Variants in LRIG3 observed in about 807,000 individuals in gnomAD.
The protein encoded by LRIG3 is leucine-rich repeats and immunoglobulin-like domains protein 3.
In LRIG3, 76 loss-of-function variants were observed where a neutral mutation model predicts 114.5. The ratio of observed to expected loss-of-function variants is 0.66; its 90% CI spans 0.55 to 0.80. The LOEUF (loss-of-function observed/expected upper bound fraction) is 0.80. Among genes scored for constraint, LRIG3 ranks in the 30% least tolerant of loss-of-function variants. The pLI is 0.00. For synonymous variants in LRIG3, 512 were observed against 519.8 expected, an observed-to-expected ratio of 0.98 and a Z score of 0.20; for missense variants, 1,239 against 1,382.8, an observed-to-expected ratio of 0.90 and a Z score of 1.65.
At chr12:58,879,218 A>C in intron 13 of LRIG3, 113 bp from the exon 14 acceptor site, 4 of 1,246,530 alleles carry the variant, frequency 3.2e-6, no homozygotes, top group South Asian at 1.6e-5. Flanking sequence ...TCCCTGACAT[A>C]GATTGGGCAG....
Position 58,883,594 on chromosome 12 carries a change from GA to G in LRIG3, c.1245-4del. On this transcript the variant is annotated splice_region_variant and splice_polypyrimidine_tract_variant and intron_variant, in intron 10 of 18. Coordinates refer to ENST00000320743, the MANE Select transcript of LRIG3 (RefSeq NM_153377.5). ...TGATTGCGTTGTCACTCAGGTCTCT[GA>G]AAAATCACCAAATCAAATGCATCAG... 2 of 1,538,502 alleles carry G rather than the reference GA, an allele frequency of 1.3e-6. No individual in the cohort carries two copies. Among genetic ancestry groups the G allele is most frequent in the Non-Finnish European group, 1.8e-6 (2 of 1,127,494 alleles).
chr12:58,874,690 C>CA (rs1246502422), intron 16 of LRIG3, 117 bp from the exon 17 acceptor site: 4 of 1,389,778 alleles, frequency 2.9e-6, no homozygotes, highest in Non-Finnish European at 3.9e-6. Context: ...ATCATATAGA[C>CA]AAAAAAATTG....
intron 3 of LRIG3, among the ~76,000 whole-genome samples, chr12:58,909,771 AAT>A: frequency 6.6e-6 from 1 of 152,368 alleles, no homozygotes; most frequent in South Asian, 2.1e-4. Flanking sequence ...GCCAAAAGTT[AAT>A]TCCAGGCCAC....
At chr12:58,879,331 CAG>C (rs1173102514) in intron 13 of LRIG3, among the ~76,000 whole-genome samples, 1 of 152,208 alleles carries the variant, frequency 6.6e-6, no homozygotes, top group Non-Finnish European at 1.5e-5. Flanking sequence ...CAGGATAAAA[CAG>C]AGGTCATCTG....
At chr12:58,879,850 G>C (rs1871059303) in intron 13 of LRIG3, among the ~76,000 whole-genome samples, 1 of 152,188 alleles carries the variant, frequency 6.6e-6, no homozygotes, top group Admixed American at 6.5e-5. Flanking sequence ...TGAAAGATGT[G>C]GAACTGGAGG....
At position 58,920,180 on chromosome 12, in the gene LRIG3, G is replaced by C; in HGVS notation, c.56C>G (p.Ala19Gly). The change falls in exon 1 of 19, where the codon GCG (alanine) becomes GGG (glycine). Residue 19 changes from alanine to glycine, a missense_variant. Coordinates refer to ENST00000320743, the MANE Select transcript of LRIG3 (RefSeq NM_153377.5). The part of the protein sequence containing the change: ...RAAGLGLLLC[A>G]VLGRAGRSDS... ...TGACCGGCCAGCGCGCCCCAGCACC[G>C]CGCACAGCAGCAGCCCCAACCCCGC... 1 of 1,525,262 alleles carries C rather than the reference G, an allele frequency of 6.6e-7. No homozygotes were observed. The highest frequency in any genetic ancestry group is 8.8e-7 in the Non-Finnish European group (1 of 1,140,266). The allele number at this position is 1,525,262 out of a possible 1,614,324, so 94.5% of individuals were successfully genotyped here.
intron 18 of LRIG3, 100 bp downstream of exon 18, chr12:58,873,955 A>AT: frequency 1.4e-6 from 2 of 1,414,422 alleles, no homozygotes; most frequent in African/African-American, 1.4e-5. Flanking sequence ...TCAAGAAACC[A>AT]TTTTTTACCA....
intron 3 of LRIG3, among the ~76,000 whole-genome samples, chr12:58,896,544 T>A (rs1226930180): frequency 6.6e-6 from 1 of 152,222 alleles, no homozygotes; most frequent in Non-Finnish European, 1.5e-5. Flanking sequence ...AGTACACGGA[T>A]AACAGGCAGC....
intron 6 of LRIG3, 89 bp downstream of exon 6, chr12:58,888,730 C>T: frequency 6.7e-7 from 1 of 1,491,604 alleles, no homozygotes; most frequent in Non-Finnish European, 9.0e-7. Context: ...GAGATTTTAA[C>T]ATAGGATTTC....
intron 3 of LRIG3, among the ~76,000 whole-genome samples, chr12:58,903,816 A>G (rs1235314220): frequency 4.6e-5 from 7 of 152,022 alleles, no homozygotes; most frequent in Non-Finnish European, 1.0e-4. Context: ...CATTTATTAA[A>G]TAGGGAATCC....
At chr12:58,901,680 C>T (rs1487876864) in intron 3 of LRIG3, among the ~76,000 whole-genome samples, 1 of 152,170 alleles carries the variant, frequency 6.6e-6, no homozygotes, top group Non-Finnish European at 1.5e-5. Context: ...GAAGGGAATG[C>T]TTTAAGAAAA....
At chr12:58,899,365 T>C (rs1483424477) in intron 3 of LRIG3, among the ~76,000 whole-genome samples, 5 of 152,210 alleles carry the variant, frequency 3.3e-5, no homozygotes, top group Admixed American at 1.3e-4. Flanking sequence ...GAAATTCCAA[T>C]TAGATAAGTG....
At chr12:58,890,824 A>G in intron 3 of LRIG3, 28 bp from the exon 4 acceptor site, 4 of 1,588,920 alleles carry the variant, frequency 2.5e-6, no homozygotes, top group Non-Finnish European at 2.6e-6. Flanking sequence ...CACAGTTAAC[A>G]AGGTTAACGG....
chr12:58,872,516 TA>T lies in LRIG3; in HGVS notation c.*55del. 1 of 1,478,408 alleles carries T rather than the reference TA, an allele frequency of 6.8e-7. No individual in the cohort carries two copies. The highest frequency in any genetic ancestry group is 1.4e-5 in the African/African-American group (1 of 71,310). 91.6% of individuals were successfully genotyped at this position (1,478,408 alleles called of 1,614,324 possible). On this transcript the variant is annotated 3_prime_UTR_variant, in exon 19 of 19. Coordinates refer to ENST00000320743, the MANE Select transcript of LRIG3 (RefSeq NM_153377.5). ...AAAAAACATAAGATTCTCTCTCTTTTAAATAAAAGTTCACTTGAGGTAGTAT... is the reference window on the plus strand; with the variant it reads ...AAAAAACATAAGATTCTCTCTCTTTTAATAAAAGTTCACTTGAGGTAGTAT...
rs1872591098 is a variant in LRIG3, at chr12:58,919,419, G to C, written c.236+581C>G. On this transcript the variant is annotated intron_variant, in intron 1 of 18. Transcript: ENST00000320743. The stretch of plus-strand genomic sequence containing the variant: ...TCTTTACAATCTGGTTGAGGAGTGG[G>C]AACTTACGGTCTGCTAATGTGAAAA... The C allele has an allele frequency of 2.6e-6, 4 of 1,551,648 alleles. No individual in the cohort carries two copies. In the South Asian group the frequency reaches 4.8e-5, roughly 18 times the overall value.
At chr12:58,876,385 T>C (rs1330522572) in intron 16 of LRIG3, 60 bp downstream of exon 16, 4 of 1,554,756 alleles carry the variant, frequency 2.6e-6, no homozygotes, top group Non-Finnish European at 3.5e-6. Flanking sequence ...ATATCATATC[T>C]GAGCCTTCCA....
intron 3 of LRIG3, among the ~76,000 whole-genome samples, chr12:58,897,023 T>TC (rs920988595): frequency 1.3e-5 from 2 of 152,204 alleles, no homozygotes; most frequent in East Asian, 1.9e-4. Flanking sequence ...TTGACTGGAA[T>TC]AACTAACACC....
At chr12:58,899,630 C>A (rs1200895663) in intron 3 of LRIG3, among the ~76,000 whole-genome samples, 1 of 151,932 alleles carries the variant, frequency 6.6e-6, no homozygotes, top group Non-Finnish European at 1.5e-5. Context: ...TTTGATGTTC[C>A]TTTCTCCTTC....
At chr12:58,901,256 G>C (rs1336696868) in intron 3 of LRIG3, among the ~76,000 whole-genome samples, 1 of 152,146 alleles carries the variant, frequency 6.6e-6, no homozygotes, top group Non-Finnish European at 1.5e-5. Context: ...ATACAACATG[G>C]TACTTAAAAT....
Sources: allele counts gnomAD v4.1 joint callset (sites outside exome capture counted in the v4.1 genomes callset), GRCh38; gene constraint gnomAD v4.1.1; transcripts MANE v1.5; gene names NCBI Gene and HGNC (gene_info 2026-07-23, HGNC 2026-07-21).